Variants in TMEM135 observed in about 807,000 individuals in gnomAD.
TMEM135 encodes the protein transmembrane protein 135.
In TMEM135, 30 loss-of-function variants were observed where a neutral mutation model predicts 60.3. The observed-to-expected ratio is 0.50, with a 90% CI of 0.37 to 0.68. The LOEUF is 0.68. Among genes scored for constraint, TMEM135 ranks in the 30% least tolerant of loss-of-function variants. TMEM135 has a pLI of 0.00. For synonymous variants in TMEM135, 190 were observed against 186.7 expected (o/e 1.02, Z -0.14); for missense variants, 468 against 548.8 (o/e 0.85, Z 1.47).
At chr11:87,138,013 T>G (rs1448624523) in intron 4 of TMEM135, among the ~76,000 whole-genome samples, 1 of 151,952 alleles carries the variant, frequency 6.6e-6, no homozygotes, top group Non-Finnish European at 1.5e-5. Flanking sequence ...TGTCTCCATA[T>G]GTAATGCATA....
At position 87,247,642 on chromosome 11, in the gene TMEM135, C is replaced by T. The variant is rs536202664; in HGVS notation, c.509+10958C>T. 8.5e-5 allele frequency among the ~76,000 whole-genome samples: 13 copies of T among 152,292 alleles called. No individual in the cohort carries two copies. In the East Asian group the frequency reaches 1.5e-3, roughly 18 times the overall value. On this transcript the variant is annotated intron_variant, in intron 6 of 14. Transcript: ENST00000305494. ...CTAGCAGTCAGTCAGACTCCGTGGG[C>T]GTAGGACCCTCCGAGCCAGGTGTGG... is the stretch of plus-strand genomic sequence containing the variant.
chr11:87,249,760 T>C lies in TMEM135; in HGVS notation c.509+13076T>C, dbSNP rs1036225537. Among the ~76,000 whole-genome samples, 6 of 152,160 alleles carry C rather than the reference T, an allele frequency of 3.9e-5. No individual in the cohort carries two copies. The East Asian group carries it at 9.6e-4, about 24-fold the overall frequency. Reference sequence around the variant, plus strand: ...TTTTTGTATCAGTGTTCATCAGATATATTGACCTGTAGTTTTCTTTTATTG... The same window carrying C: ...TTTTTGTATCAGTGTTCATCAGATACATTGACCTGTAGTTTTCTTTTATTG... On this transcript the variant is annotated intron_variant, in intron 6 of 14. Coordinates refer to ENST00000305494, the MANE Select transcript of TMEM135 (RefSeq NM_022918.4).
At chr11:87,204,150 A>G (rs144338167) in intron 5 of TMEM135, among the ~76,000 whole-genome samples, 1 of 149,432 alleles carries the variant, frequency 6.7e-6, no homozygotes, top group Non-Finnish European at 1.5e-5. Flanking sequence ...TCTGTCACTC[A>G]TTGATTTTGT....
chr11:87,259,765 C>G (rs1391217774), intron 6 of TMEM135, among the ~76,000 whole-genome samples: 2 of 152,188 alleles, frequency 1.3e-5, no homozygotes, highest in Non-Finnish European at 2.9e-5. Context: ...AAATGTTTAC[C>G]TGCAAAGTGA....
intron 6 of TMEM135, among the ~76,000 whole-genome samples, chr11:87,282,353 C>T (rs1174965859): frequency 6.6e-6 from 1 of 152,114 alleles, no homozygotes; most frequent in Non-Finnish European, 1.5e-5. Context: ...CAACCTCCGC[C>T]TCCCGGGTTC....
At chr11:87,199,473 C>G (rs1940045248) in intron 5 of TMEM135, among the ~76,000 whole-genome samples, 1 of 152,188 alleles carries the variant, frequency 6.6e-6, no homozygotes, top group South Asian at 2.1e-4. Flanking sequence ...GAACTACTGT[C>G]AATGAACCTG....
In TMEM135 at chr11:87,067,712, A is replaced by G; in HGVS notation, c.160A>G (p.Lys54Glu). Reference sequence around the variant, plus strand: ...TTTCCAGATTGCAGCAATTCTCCGGAAACGGAAATTAGACTATTATTTACA... The same window carrying G: ...TTTCCAGATTGCAGCAATTCTCCGGGAACGGAAATTAGACTATTATTTACA... ...PLYLIAAILR[K>E]RKLDYYLHKL... The change falls in exon 2 of 15, where the codon AAA becomes GAA. Residue 54 changes from lysine to glutamate, a missense_variant. Lys to Glu is a moderately conservative substitution (Grantham distance 56). Transcript: ENST00000305494. 1 of 1,613,866 alleles carries G rather than the reference A, an allele frequency of 6.2e-7. No individual in the cohort carries two copies. Among genetic ancestry groups the G allele is most frequent in the East Asian group, 2.2e-5 (1 of 44,818 alleles).
chr11:87,267,153 G>A (rs1941765918), intron 6 of TMEM135, among the ~76,000 whole-genome samples: 1 of 152,074 alleles, frequency 6.6e-6, no homozygotes, highest in Admixed American at 6.6e-5. Flanking sequence ...TGCCATGAGT[G>A]GTAAGTGAGG....
intron 6 of TMEM135, among the ~76,000 whole-genome samples, chr11:87,284,896 ACTCT>A (rs1252148200): frequency 6.6e-6 from 1 of 152,084 alleles, no homozygotes; most frequent in South Asian, 2.1e-4. Flanking sequence ...CTGAAACTGA[ACTCT>A]CTTAGTCCAT....
chr11:87,208,433 GA>G (rs1402324040), intron 5 of TMEM135, among the ~76,000 whole-genome samples: 2 of 152,164 alleles, frequency 1.3e-5, no homozygotes, highest in African/African-American at 4.8e-5. Context: ...TGGAAGCACT[GA>G]TGGTAGAATA....
chr11:87,256,962 G>C (rs565163519), intron 6 of TMEM135, among the ~76,000 whole-genome samples: 1 of 151,936 alleles, frequency 6.6e-6, no homozygotes, highest in Non-Finnish European at 1.5e-5. Context: ...ATGTCTTTCA[G>C]CTTCTCAAAT....
At chr11:87,154,171 A>G (rs1323143674) in intron 4 of TMEM135, among the ~76,000 whole-genome samples, 1 of 152,152 alleles carries the variant, frequency 6.6e-6, no homozygotes, top group Non-Finnish European at 1.5e-5. Flanking sequence ...CCACTGTTCT[A>G]CTTTCTGTCT....
At chr11:87,163,806 T>C (rs12280781) in intron 5 of TMEM135, among the ~76,000 whole-genome samples, 38,451 of 126,064 alleles carry the variant, frequency 0.31, 6,364 homozygotes, top group East Asian at 0.59. Flanking sequence ...GAGCATTTTT[T>C]CATGTGTTTT....
chr11:87,249,835 T>A (rs757156196), intron 6 of TMEM135, among the ~76,000 whole-genome samples: 6 of 152,152 alleles, frequency 3.9e-5, no homozygotes, highest in Non-Finnish European at 5.9e-5. Context: ...ATAGAATGAG[T>A]TTGGAAGTAT....
At chr11:87,276,558 T>TTG (rs199780176) in intron 6 of TMEM135, among the ~76,000 whole-genome samples, 8,358 of 148,824 alleles carry the variant, frequency 0.056, 435 homozygotes, top group African/African-American at 0.14. Flanking sequence ...ATAAGAGTGT[T>TTG]TGTGTGTGTG....
intron 10 of TMEM135, among the ~76,000 whole-genome samples, chr11:87,312,162 T>C (rs1942650057): frequency 1.3e-5 from 2 of 151,456 alleles, no homozygotes; most frequent in African/African-American, 4.8e-5. Context: ...TGTTCCTTTT[T>C]TTCTTCCTCT....
intron 5 of TMEM135, among the ~76,000 whole-genome samples, chr11:87,166,497 G>T (rs1325321749): frequency 6.6e-6 from 1 of 151,564 alleles, no homozygotes; most frequent in African/African-American, 2.4e-5. Flanking sequence ...TATAAGGAAG[G>T]GGTCCAGTTT....
At chr11:87,284,029 TTAATG>T (rs1489603468) in intron 6 of TMEM135, among the ~76,000 whole-genome samples, 4 of 152,230 alleles carry the variant, frequency 2.6e-5, no homozygotes, top group African/African-American at 9.6e-5. Context: ...ATAATTTTGT[TTAATG>T]TAAATAATTT....
intron 6 of TMEM135, among the ~76,000 whole-genome samples, chr11:87,244,843 T>C (rs1941224664): frequency 1.3e-5 from 2 of 150,220 alleles, no homozygotes; most frequent in Admixed American, 1.3e-4. Flanking sequence ...TTTGTGTCTC[T>C]GTTTCCTTCA....
Sources: gnomAD v4.1 joint callset for allele counts (sites outside exome capture counted in the v4.1 genomes callset) on GRCh38, gnomAD v4.1.1 for gene constraint, MANE v1.5 for transcripts, NCBI Gene and HGNC (gene_info 2026-07-23, HGNC 2026-07-21) for gene names.